The following MSRB3 variants were observed in gnomAD, a reference collection of about 807,000 sequenced individuals.
MSRB3 encodes the protein methionine sulfoxide reductase B3.
In MSRB3, 13 loss-of-function variants were observed where a neutral mutation model predicts 21.0. That is an observed-to-expected ratio of 0.62 (90% CI 0.40 to 0.98). The LOEUF (loss-of-function observed/expected upper bound fraction) is 0.98, where lower values mean the gene tolerates loss of function less well. Among genes scored for constraint, MSRB3 ranks in the 50% least tolerant of loss-of-function variants. The probability of loss-of-function intolerance (pLI) is 0.00; values close to 1 mark genes in which losing one functional copy is unlikely to be tolerated. For missense variants in MSRB3, 199 were observed against 230.3 expected (o/e 0.86, Z 0.88); for synonymous variants, 87 against 88.6 (o/e 0.98, Z 0.10).
rs750012003 is a variant in MSRB3 at position 65,308,635 on chromosome 12, G to A, written c.56G>A (p.Arg19Gln). 1.1e-5 allele frequency: 17 copies of A among 1,613,818 alleles called. No individual in the cohort carries two copies. Among genetic ancestry groups the A allele is most frequent in the African/African-American group, 4.0e-5 (3 of 74,898 alleles). The part of the protein sequence containing the change: ...LVTKSQPVAL[R>Q]ACGLPSGSCR... ...ACAAAGAGCCAGCCAGTAGCCCTTC[G>A]AGCCTGTGGGCTTCCCTCAGGTTGC... Residue 19 changes from arginine (R) to glutamine (Q), a missense_variant, in exon 2 of 7, where the codon CGA becomes CAA. Transcript: ENST00000308259.
Position 65,315,396 on chromosome 12 carries a change from C to T in MSRB3, c.76+6741C>T, listed in dbSNP as rs549369517. Among the ~76,000 whole-genome samples the T allele has an allele frequency of 4.8e-3, 723 of 151,948 alleles. 6 individuals are homozygous for T. The highest frequency in any genetic ancestry group is 0.017 in the African/African-American group (685 of 41,458). Reference sequence around the variant, plus strand: ...ATAAAAAATACACCATGAGGCCTGGCGCGGTGGTCGTACCTGTAATCCAGG... The same window carrying T: ...ATAAAAAATACACCATGAGGCCTGGTGCGGTGGTCGTACCTGTAATCCAGG... On this transcript the variant is annotated intron_variant, in intron 2 of 6. Coordinates refer to ENST00000308259, the MANE Select transcript of MSRB3 (RefSeq NM_001031679.3).
chr12:65,376,348 T>C (rs1468633025), intron 5 of MSRB3, among the ~76,000 whole-genome samples: 1 of 152,180 alleles, frequency 6.6e-6, no homozygotes, highest in Non-Finnish European at 1.5e-5. Flanking sequence ...CTCTATCTCC[T>C]GACCTCGTGA....
chr12:65,422,388 G>GTATATATATATA (rs59746471), intron 5 of MSRB3, among the ~76,000 whole-genome samples: 62 of 92,376 alleles, frequency 6.7e-4, no homozygotes, highest in South Asian at 1.2e-3. Context: ...GGAGTACATA[G>GTATATATATATA]TATATATATA....
intron 5 of MSRB3, among the ~76,000 whole-genome samples, chr12:65,389,946 C>A (rs1365959938): frequency 6.6e-6 from 1 of 152,218 alleles, no homozygotes; most frequent in Non-Finnish European, 1.5e-5. Context: ...TTTCTCAAAT[C>A]CCCTTTTCTA....
chr12:65,443,840 C>T (rs762784226), intron 5 of MSRB3, among the ~76,000 whole-genome samples: 6 of 152,064 alleles, frequency 3.9e-5, no homozygotes, highest in Admixed American at 6.6e-5. Context: ...AAACTCTGGA[C>T]CCCTAAATAA....
At chr12:65,340,866 C>A (rs2136472854) in intron 4 of MSRB3, among the ~76,000 whole-genome samples, 1 of 151,858 alleles carries the variant, frequency 6.6e-6, no homozygotes, top group East Asian at 1.9e-4. Flanking sequence ...AAATAATATA[C>A]AAAATTTGAC....
At position 65,308,626 on chromosome 12, in the gene MSRB3, T is replaced by A; in HGVS notation, c.47T>A (p.Val16Glu). The A allele has an allele frequency of 6.2e-7, 1 of 1,614,002 alleles. No individual in the cohort carries two copies. Among genetic ancestry groups the A allele is most frequent in the Non-Finnish European group, 8.5e-7 (1 of 1,179,894 alleles). ...CATTTGGTGACAAAGAGCCAGCCAG[T>A]AGCCCTTCGAGCCTGTGGGCTTCCC... ...LLHLVTKSQP[V>E]ALRACGLPSG... The change falls in exon 2 of 7, where the codon GTA becomes GAA. Residue 16 changes from valine to glutamate, a missense_variant. Coordinates refer to ENST00000308259, the MANE Select transcript of MSRB3 (RefSeq NM_001031679.3).
intron 4 of MSRB3, among the ~76,000 whole-genome samples, chr12:65,339,213 C>T (rs1004545341): frequency 7.9e-5 from 12 of 152,298 alleles, no homozygotes; most frequent in South Asian, 2.1e-4. Flanking sequence ...TTCTTTGTTG[C>T]GGGGAGCTGC....
chr12:65,387,079 A>G (rs1303065312), intron 5 of MSRB3, among the ~76,000 whole-genome samples: 2 of 152,112 alleles, frequency 1.3e-5, no homozygotes, highest in African/African-American at 2.4e-5. Context: ...ATTACAGTAC[A>G]ACAGCAGTAT....
chr12:65,353,578 G>A (rs1278590698), intron 4 of MSRB3, among the ~76,000 whole-genome samples: 3 of 151,970 alleles, frequency 2.0e-5, no homozygotes, highest in Non-Finnish European at 4.4e-5. Context: ...CATTTGCTTG[G>A]TAGATCTTCC....
chr12:65,318,229 T>C (rs977190565), intron 2 of MSRB3, among the ~76,000 whole-genome samples: 1 of 152,104 alleles, frequency 6.6e-6, no homozygotes, highest in Non-Finnish European at 1.5e-5. Flanking sequence ...TTGATTTGGG[T>C]GGTAATGTAA....
chr12:65,319,393 T>C (rs1359204400), intron 2 of MSRB3, among the ~76,000 whole-genome samples: 1 of 152,142 alleles, frequency 6.6e-6, no homozygotes, highest in Non-Finnish European at 1.5e-5. Flanking sequence ...TTGGATCTTT[T>C]CTGGCACCCT....
intron 1 of MSRB3, among the ~76,000 whole-genome samples, chr12:65,306,009 C>G (rs1399561183): frequency 2.0e-5 from 3 of 152,148 alleles, no homozygotes; most frequent in Non-Finnish European, 4.4e-5. Flanking sequence ...AACCAATTAA[C>G]TTATTTAATC....
intron 5 of MSRB3, among the ~76,000 whole-genome samples, chr12:65,394,715 A>G (rs960480655): frequency 3.3e-5 from 5 of 152,222 alleles, no homozygotes; most frequent in Admixed American, 2.0e-4. Flanking sequence ...AACCAAATAC[A>G]GCAACATTTA....
At chr12:65,390,962 T>C (rs1325863127) in intron 5 of MSRB3, among the ~76,000 whole-genome samples, 9 of 152,208 alleles carry the variant, frequency 5.9e-5, no homozygotes, top group African/African-American at 1.7e-4. Context: ...GGCAAAAGAA[T>C]GGAGTAGGAA....
At chr12:65,359,256 G>T (rs1022786494) in intron 4 of MSRB3, among the ~76,000 whole-genome samples, 3 of 151,870 alleles carry the variant, frequency 2.0e-5, no homozygotes, top group Non-Finnish European at 4.4e-5. Context: ...GTCCTCAGAG[G>T]CTATTGAAGT....
At chr12:65,366,872 C>T (rs376298125) in intron 4 of MSRB3, among the ~76,000 whole-genome samples, 16 of 152,068 alleles carry the variant, frequency 1.1e-4, no homozygotes, top group South Asian at 2.1e-4. Context: ...CAAACTCCTG[C>T]GGTGATTTTG....
chr12:65,449,326 T>C (rs931705754), intron 5 of MSRB3, among the ~76,000 whole-genome samples: 20 of 151,978 alleles, frequency 1.3e-4, no homozygotes. Flanking sequence ...GTCAGGACTC[T>C]AAGTTTCAAA....
intron 2 of MSRB3, among the ~76,000 whole-genome samples, chr12:65,317,929 G>A (rs924305100): frequency 3.9e-5 from 6 of 152,062 alleles, no homozygotes; most frequent in Non-Finnish European, 7.4e-5. Context: ...ACATATACCC[G>A]TTTAGTCCTT....
Sources: gnomAD v4.1 joint callset for allele counts (sites outside exome capture counted in the v4.1 genomes callset) on GRCh38, gnomAD v4.1.1 for gene constraint, MANE v1.5 for transcripts, NCBI Gene and HGNC (gene_info 2026-07-23, HGNC 2026-07-21) for gene names.